Variants in RASA3 observed in about 807,000 individuals in gnomAD.
RASA3 encodes the protein RAS p21 protein activator 3, also known as ras GTPase-activating protein 3.
A neutral mutation model predicts 110.0 loss-of-function variants in RASA3; 73 were observed. The ratio of observed to expected loss-of-function variants is 0.66; its 90% CI spans 0.55 to 0.81. The LOEUF is 0.81. RASA3 is among the 30% of genes least tolerant of loss of function. The pLI is 0.00. For synonymous variants in RASA3, 500 were observed against 451.4 expected (o/e 1.11, Z -1.37); for missense variants, 976 against 1,113.2 (o/e 0.88, Z 1.75).
chr13:114,030,017 C>G, intron 4 of RASA3, 130 bp from the exon 5 acceptor site: 1 of 760,320 alleles, frequency 1.3e-6, no homozygotes, highest in Non-Finnish European at 2.2e-6. Flanking sequence ...CCAATGGGCA[C>G]GTCCAGCCCC....
chr13:114,128,975 C>A (rs1202740341), intron 1 of RASA3, among the ~76,000 whole-genome samples: 1 of 152,098 alleles, frequency 6.6e-6, no homozygotes, highest in Admixed American at 6.5e-5. Context: ...GTGTGTTGCT[C>A]TTTATTGAAC....
chr13:114,018,830 T>C lies in RASA3; in HGVS notation c.875A>G (p.Asp292Gly), dbSNP rs762169675. ...GTAATAGTCAGAAGAAAACACGTGG[T>C]CTTCCGTGTATACCACGTTCAGCCG... is the stretch of plus-strand genomic sequence containing the variant. ...SLRLNVVYTEDHVFSSDYYSP... is the reference protein window; with the variant it reads ...SLRLNVVYTEGHVFSSDYYSP... Residue 292 changes from aspartate to glycine, a missense_variant, in exon 10 of 24, where the codon GAC (aspartate) becomes GGC (glycine). Physicochemically the swap from Asp to Gly is moderately conservative, Grantham distance 94. Coordinates refer to ENST00000334062, the MANE Select transcript of RASA3 (RefSeq NM_007368.4). The C allele has an allele frequency of 6.2e-7, 1 of 1,613,834 alleles. No individual in the cohort carries two copies. The highest frequency in any genetic ancestry group is 8.5e-7 in the Non-Finnish European group (1 of 1,179,984).
chr13:114,003,179 G>A (rs1272789391), intron 18 of RASA3, among the ~76,000 whole-genome samples: 2 of 152,250 alleles, frequency 1.3e-5, no homozygotes, highest in African/African-American at 2.4e-5. Context: ...GGTGCCGGAG[G>A]AGAAGCTGAT....
At chr13:114,102,224 G>A in intron 1 of RASA3, among the ~76,000 whole-genome samples, 1 of 151,802 alleles carries the variant, frequency 6.6e-6, no homozygotes, top group African/African-American at 2.4e-5. Context: ...GCGGGTGGTA[G>A]GCGGGCAGCA....
intron 9 of RASA3, 150 bp from the exon 10 acceptor site, chr13:114,019,069 C>G: frequency 4.0e-6 from 4 of 1,007,618 alleles, no homozygotes; most frequent in Non-Finnish European, 5.7e-6. Context: ...GGACTCCCCA[C>G]CGAAGACCCC....
Position 114,073,965 on chromosome 13 carries a change from C to G in RASA3, c.56-128G>C. 4.9e-6 allele frequency: 4 copies of G among 824,332 alleles called. No homozygotes were observed. In the South Asian group the frequency reaches 6.0e-5, roughly 12 times the overall value. 51.1% of individuals were successfully genotyped at this position (824,332 alleles called of 1,614,324 possible). A position where few individuals can be genotyped will look rare whatever the true frequency, so the allele number is the denominator to read the frequency against. ...TCTCTATAAAGCCTTGGTTTTTTTG[C>G]CACCACAAGTCAAAATGTGGATGTG... On this transcript the variant is annotated intron_variant, in intron 1 of 23. Transcript: ENST00000334062.
At chr13:114,044,551 G>T (rs1284484475) in intron 3 of RASA3, among the ~76,000 whole-genome samples, 5 of 98,176 alleles carry the variant, frequency 5.1e-5, no homozygotes, top group African/African-American at 2.2e-4. Context: ...CCCTCCCACC[G>T]GCAGCCCTGG....
At chr13:114,104,660 G>A (rs575974425) in intron 1 of RASA3, among the ~76,000 whole-genome samples, 63 of 152,166 alleles carry the variant, frequency 4.1e-4, no homozygotes, top group Non-Finnish European at 6.9e-4. Context: ...AAGATTTGGC[G>A]TCTCAATGGC....
At chr13:114,010,414 G>A (rs367605570) in intron 16 of RASA3, among the ~76,000 whole-genome samples, 9 of 152,118 alleles carry the variant, frequency 5.9e-5, no homozygotes, top group East Asian at 3.9e-4. Context: ...CACTGCCCCC[G>A]GGACGCCTCA....
intron 1 of RASA3, among the ~76,000 whole-genome samples, chr13:114,117,673 A>C (rs537973783): frequency 7.9e-6 from 1 of 126,232 alleles, no homozygotes; most frequent in Non-Finnish European, 1.6e-5. Context: ...TGAGGGATGC[A>C]CGTGTGTGAG....
At chr13:114,095,417 T>C (rs1176894468) in intron 1 of RASA3, among the ~76,000 whole-genome samples, 1 of 152,116 alleles carries the variant, frequency 6.6e-6, no homozygotes, top group Non-Finnish European at 1.5e-5. Context: ...CTACAGTCCC[T>C]GGCATCCATT....
rs1402295469 is a variant in RASA3 at position 114,096,860 on chromosome 13, G to A, written c.56-23023C>T. Among the ~76,000 whole-genome samples, 3 of 152,230 alleles carry A rather than the reference G, an allele frequency of 2.0e-5. No individual in the cohort carries two copies. The highest frequency in any genetic ancestry group is 4.8e-5 in the African/African-American group (2 of 41,526). The stretch of plus-strand genomic sequence containing the variant: ...TCTCGCTGCTCCCTCGGACGTACTC[G>A]CCCTACACCCCAGCCAAACGCACTC... On this transcript the variant is annotated intron_variant, in intron 1 of 23. Coordinates refer to ENST00000334062, the MANE Select transcript of RASA3 (RefSeq NM_007368.4). This position sits in a 1 kb window ranked among gnomAD's most constrained non-coding sequence, Gnocchi z 5.1.
intron 7 of RASA3, among the ~76,000 whole-genome samples, chr13:114,026,053 C>T (rs1047103417): frequency 1.3e-5 from 2 of 152,244 alleles, no homozygotes; most frequent in African/African-American, 4.8e-5. Flanking sequence ...CAGGTGGTGA[C>T]GCAGACCATG....
At chr13:114,061,676 CAAAAAAAA>C (rs397963864) in intron 2 of RASA3, among the ~76,000 whole-genome samples, 1 of 96,284 alleles carries the variant, frequency 1.0e-5, no homozygotes, top group East Asian at 2.9e-4. Context: ...GACTCTGTCT[CAAAAAAAA>C]AAAAAAAAGA....
At chr13:114,107,409 C>T (rs951534005) in intron 1 of RASA3, among the ~76,000 whole-genome samples, 2 of 152,216 alleles carry the variant, frequency 1.3e-5, no homozygotes, top group East Asian at 3.8e-4. Flanking sequence ...CTGATTTTCC[C>T]ACGCTGGAGG....
At chr13:114,069,469 G>A (rs1437327149) in intron 2 of RASA3, among the ~76,000 whole-genome samples, 8 of 89,338 alleles carry the variant, frequency 9.0e-5, no homozygotes, top group African/African-American at 1.3e-4. Flanking sequence ...GGGGCTGGGA[G>A]ACTCGGGGGC....
At position 114,011,363 on chromosome 13, in the gene RASA3, G is replaced by T. The variant is rs1566474758; in HGVS notation, c.1513-115C>A. On this transcript the variant is annotated intron_variant, in intron 15 of 23. Coordinates refer to ENST00000334062, the MANE Select transcript of RASA3 (RefSeq NM_007368.4). This position sits in a 1 kb window ranked among gnomAD's most constrained non-coding sequence, Gnocchi z 4.8. ...CTCAGAGCTGCTGTGGCTTGTGCAT[G>T]AGCTACGGAGAAACAGGGGTAGCGA... is the stretch of plus-strand genomic sequence containing the variant. 30 of 903,574 alleles carry T rather than the reference G, an allele frequency of 3.3e-5. No individual in the cohort carries two copies. Among genetic ancestry groups the T allele is most frequent in the Non-Finnish European group, 5.1e-5 (29 of 564,634 alleles). 56.0% of individuals were successfully genotyped at this position (903,574 alleles called of 1,614,324 possible).
At chr13:114,081,298 C>T (rs2079785075) in intron 1 of RASA3, among the ~76,000 whole-genome samples, 1 of 152,196 alleles carries the variant, frequency 6.6e-6, no homozygotes. Context: ...GAGACCTGGC[C>T]TTGGAGCCAG....
At position 114,042,601 on chromosome 13, in the gene RASA3, G is replaced by A. The variant is rs1454426935; in HGVS notation, c.278-1507C>T. 2.0e-5 allele frequency among the ~76,000 whole-genome samples: 3 copies of A among 152,342 alleles called. No individual in the cohort carries two copies. In the East Asian group the frequency reaches 5.8e-4, roughly 29 times the overall value. On this transcript the variant is annotated intron_variant, in intron 3 of 23. Transcript: ENST00000334062. ...GTCTGAGCACATTGTGCATGACCTG[G>A]GCTCCCGGGAGCGGCCTGGGCCTCC... is the stretch of plus-strand genomic sequence containing the variant.
Sources: allele counts gnomAD v4.1 joint callset (sites outside exome capture counted in the v4.1 genomes callset), GRCh38; gene constraint gnomAD v4.1.1; non-coding constraint Gnocchi (gnomAD v3.1); transcripts MANE v1.5; gene names NCBI Gene and HGNC (gene_info 2026-07-23, HGNC 2026-07-21).